The following FSTL5 variants were observed in gnomAD, a reference collection of about 807,000 sequenced individuals.
The protein encoded by FSTL5 is follistatin-related protein 5.
FSTL5 carries 62 observed loss-of-function variants against 89.1 expected under a neutral mutation model. That is an observed-to-expected ratio of 0.70 (90% CI 0.57 to 0.86). The LOEUF (loss-of-function observed/expected upper bound fraction) is 0.86, where lower values mean the gene tolerates loss of function less well. Among genes scored for constraint, FSTL5 ranks in the 40% least tolerant of loss-of-function variants. FSTL5 has a pLI of 0.00. For synonymous variants in FSTL5, 383 were observed against 346.2 expected (o/e 1.11, Z -1.18); for missense variants, 1,057 against 1,001.6 (o/e 1.06, Z -0.75).
In FSTL5 at chr4:161,935,803, T is replaced by C. The variant is rs192022686; in HGVS notation, c.161-15151A>G. On this transcript the variant is annotated intron_variant, in intron 3 of 15. Transcript: ENST00000306100. ...TACGTTTCCAATGGTAGGATGAATC[T>C]ACACATGCTTCACAAATCATTTTAT... Among the ~76,000 whole-genome samples, 399 of 152,314 alleles carry C rather than the reference T, an allele frequency of 2.6e-3. 2 individuals carry two copies. Among genetic ancestry groups the C allele is most frequent in the Middle Eastern group, 6.8e-3 (2 of 294 alleles).
chr4:161,676,758 C>T (rs1290894359), intron 6 of FSTL5, among the ~76,000 whole-genome samples: 1 of 151,790 alleles, frequency 6.6e-6, no homozygotes, highest in Non-Finnish European at 1.5e-5. Context: ...CACACACACA[C>T]ACACACACAC....
chr4:161,894,269 G>A (rs1423004367), intron 4 of FSTL5, among the ~76,000 whole-genome samples: 1 of 151,854 alleles, frequency 6.6e-6, no homozygotes, highest in Non-Finnish European at 1.5e-5. Context: ...AATGGTATTA[G>A]TCCTGGCATG....
At chr4:162,108,681 T>C (rs1306849283) in intron 2 of FSTL5, among the ~76,000 whole-genome samples, 1 of 151,800 alleles carries the variant, frequency 6.6e-6, no homozygotes, top group East Asian at 1.9e-4. Flanking sequence ...TATGATGCTA[T>C]TAAAATAATT....
intron 4 of FSTL5, among the ~76,000 whole-genome samples, chr4:161,849,082 T>C (rs1731469801): frequency 6.6e-6 from 1 of 152,146 alleles, no homozygotes; most frequent in African/African-American, 2.4e-5. Context: ...TTACTGAACA[T>C]AGTAGTTGCT....
chr4:161,555,624 A>G (rs972749342), intron 8 of FSTL5, among the ~76,000 whole-genome samples: 2 of 151,566 alleles, frequency 1.3e-5, no homozygotes, highest in Non-Finnish European at 3.0e-5. Context: ...ACTTTCTGCT[A>G]TGCTGTAAGG....
At chr4:161,424,643 T>C (rs1009158730) in intron 15 of FSTL5, among the ~76,000 whole-genome samples, 1 of 152,168 alleles carries the variant, frequency 6.6e-6, no homozygotes, top group African/African-American at 2.4e-5. Flanking sequence ...AAATTCATTA[T>C]GTTGATAAGA....
chr4:161,782,866 T>C (rs1463175621), intron 4 of FSTL5, among the ~76,000 whole-genome samples: 1 of 152,194 alleles, frequency 6.6e-6, no homozygotes, highest in African/African-American at 2.4e-5. Context: ...TCAATAAAGA[T>C]GTTCTAGTAT....
chr4:161,615,167 G>A (rs893651705), intron 7 of FSTL5, among the ~76,000 whole-genome samples: 6 of 151,606 alleles, frequency 4.0e-5, no homozygotes, highest in African/African-American at 9.7e-5. Context: ...GGAAGCGGGC[G>A]CCTGTAGTCC....
intron 10 of FSTL5, among the ~76,000 whole-genome samples, chr4:161,512,911 T>C (rs1730694394): frequency 6.6e-6 from 1 of 152,100 alleles, no homozygotes; most frequent in Non-Finnish European, 1.5e-5. Context: ...ATTGAATTAC[T>C]GTATTTATAA....
intron 5 of FSTL5, among the ~76,000 whole-genome samples, chr4:161,772,410 C>T (rs763873706): frequency 1.3e-5 from 2 of 151,944 alleles, no homozygotes; most frequent in Non-Finnish European, 2.9e-5. Flanking sequence ...GTCAAACTGT[C>T]GCTGTTTGCT....
At chr4:161,913,907 A>T (rs1367013984) in intron 4 of FSTL5, among the ~76,000 whole-genome samples, 2 of 152,160 alleles carry the variant, frequency 1.3e-5, no homozygotes, top group African/African-American at 4.8e-5. Flanking sequence ...CATAGGTGGA[A>T]GGGATTTCCC....
intron 3 of FSTL5, among the ~76,000 whole-genome samples, chr4:161,980,115 G>A (rs995749369): frequency 7.0e-6 from 1 of 142,752 alleles, no homozygotes; most frequent in African/African-American, 2.6e-5. Context: ...GAAGGAAGGA[G>A]AGAAAAGGAA....
In FSTL5 at chr4:161,548,957, A is replaced by C. The variant is rs535225254; in HGVS notation, c.1016-6264T>G. ...AAATTAACATGCTATCTTTAATGTA[A>C]ATATTAAATCTATTCACATTGAAAG... On this transcript the variant is annotated intron_variant, in intron 8 of 15. Coordinates refer to ENST00000306100, the MANE Select transcript of FSTL5 (RefSeq NM_020116.5). 1.2e-3 allele frequency among the ~76,000 whole-genome samples: 180 copies of C among 151,962 alleles called. 1 individual carries two copies. The highest frequency in any genetic ancestry group is 3.9e-3 in the African/African-American group (162 of 41,520).
chr4:162,111,890 TAATA>T (rs1731458078), intron 1 of FSTL5, among the ~76,000 whole-genome samples: 1 of 152,158 alleles, frequency 6.6e-6, no homozygotes, highest in African/African-American at 2.4e-5. Flanking sequence ...AGGTAGTACT[TAATA>T]AATTAACTGA....
intron 13 of FSTL5, among the ~76,000 whole-genome samples, chr4:161,466,692 T>C (rs1434890061): frequency 6.6e-6 from 1 of 152,096 alleles, no homozygotes; most frequent in Non-Finnish European, 1.5e-5. Context: ...TATGACATTC[T>C]TACAAAAACT....
intron 6 of FSTL5, among the ~76,000 whole-genome samples, chr4:161,741,781 G>A (rs1056143289): frequency 6.7e-6 from 1 of 149,124 alleles, no homozygotes. Context: ...TTCGCCTCCC[G>A]GTTTCAAGCA....
chr4:161,490,211 GA>G (rs1333633939), intron 12 of FSTL5, among the ~76,000 whole-genome samples: 1 of 151,944 alleles, frequency 6.6e-6, no homozygotes, highest in African/African-American at 2.4e-5. Context: ...AACTTTTAAG[GA>G]AAAGCATCAT....
chr4:161,828,550 G>A (rs1730739698), intron 4 of FSTL5, among the ~76,000 whole-genome samples: 1 of 152,112 alleles, frequency 6.6e-6, no homozygotes, highest in South Asian at 2.1e-4. Flanking sequence ...TTTTTAAAGT[G>A]TTATACTTGG....
In FSTL5 at chr4:161,836,701, CGTT is replaced by C. The variant is rs374600035; in HGVS notation, c.410-60630_410-60628del. On this transcript the variant is annotated intron_variant, in intron 4 of 15. Transcript: ENST00000306100. ...CACCCTGGAAACAATGTTGAGGATA[CGTT>C]GTTGAAGAGCAAAATTAAAGATATT... Among the ~76,000 whole-genome samples the C allele has an allele frequency of 4.0e-4, 60 of 151,372 alleles. No homozygotes were observed. The East Asian group carries it at 5.8e-3, about 15-fold the overall frequency.
Sources: gnomAD v4.1 joint callset for allele counts (sites outside exome capture counted in the v4.1 genomes callset) on GRCh38, gnomAD v4.1.1 for gene constraint, MANE v1.5 for transcripts, NCBI Gene and HGNC (gene_info 2026-07-23, HGNC 2026-07-21) for gene names.